The following FHIT variants were observed in gnomAD, a reference collection of about 807,000 sequenced individuals.
FHIT encodes fragile histidine triad diadenosine triphosphatase, also known as bis(5'-adenosyl)-triphosphatase.
A neutral mutation model predicts 17.9 loss-of-function variants in FHIT; 19 were observed. That is an observed-to-expected ratio of 1.06 (90% CI 0.74 to 1.56). The LOEUF (loss-of-function observed/expected upper bound fraction) is 1.56, where lower values mean the gene tolerates loss of function less well. Among genes scored for constraint, FHIT ranks in the 40% most tolerant of loss-of-function variants. FHIT has a pLI of 0.00. For synonymous variants in FHIT, 81 were observed against 69.7 expected (o/e 1.16, Z -0.81); for missense variants, 248 against 189.2 (o/e 1.31, Z -1.82).
At chr3:61,201,437 G>C (rs1299972902) in intron 1 of FHIT, among the ~76,000 whole-genome samples, 4 of 152,160 alleles carry the variant, frequency 2.6e-5, no homozygotes, top group Non-Finnish European at 5.9e-5. Context: ...CACCAGTAAT[G>C]GGAATATGAT....
intron 2 of FHIT, among the ~76,000 whole-genome samples, chr3:61,083,750 G>GT (rs1169880384): frequency 3.4e-4 from 52 of 152,062 alleles, no homozygotes; most frequent in African/African-American, 3.6e-4. Context: ...TATGATATGT[G>GT]TTTTTTTTAT....
intron 5 of FHIT, among the ~76,000 whole-genome samples, chr3:60,367,251 C>T (rs1160748279): frequency 5.9e-5 from 9 of 152,190 alleles, no homozygotes; most frequent in African/African-American, 2.2e-4. Flanking sequence ...GACATTCAAA[C>T]CCAAATGAAT....
At chr3:60,136,277 G>A (rs1699814971) in intron 5 of FHIT, among the ~76,000 whole-genome samples, 1 of 152,130 alleles carries the variant, frequency 6.6e-6, no homozygotes, top group South Asian at 2.1e-4. Flanking sequence ...GCCATTCCTT[G>A]TGTTTCCTGA....
chr3:60,072,884 G>C lies in FHIT; in HGVS notation c.104-58732C>G, dbSNP rs144336403. ...AGCTACAGCATTCACTGTTTGAAGG[G>C]AGAGATTCAACCATCTCCTTCTCTG... On this transcript the variant is annotated intron_variant, in intron 5 of 9. Transcript: ENST00000492590. Among the ~76,000 whole-genome samples the C allele has an allele frequency of 3.4e-3, 524 of 152,228 alleles. 2 individuals carry two copies. Among genetic ancestry groups the C allele is most frequent in the African/African-American group, 0.012 (495 of 41,530 alleles).
chr3:61,190,994 A>T (rs2038697267), intron 2 of FHIT, among the ~76,000 whole-genome samples: 1 of 151,834 alleles, frequency 6.6e-6, no homozygotes, highest in Non-Finnish European at 1.5e-5. Context: ...TGACGAGTTA[A>T]TGGGGGCAGC....
chr3:60,687,149 G>A lies in FHIT; in HGVS notation c.-18+134770C>T, dbSNP rs79012734. Among the ~76,000 whole-genome samples, 902 of 152,220 alleles carry A rather than the reference G, an allele frequency of 5.9e-3. 10 individuals are homozygous for A. The highest frequency in any genetic ancestry group is 0.02 in the African/African-American group (823 of 41,542). On this transcript the variant is annotated intron_variant, in intron 4 of 9. Transcript: ENST00000492590. ...CAGTAAATATCTTGTATTATGCTGC[G>A]TAAGCTCCTCCTATTTCTAGCTCAT...
At chr3:60,236,788 T>A (rs76935376) in intron 5 of FHIT, among the ~76,000 whole-genome samples, 9 of 152,132 alleles carry the variant, frequency 5.9e-5, no homozygotes, top group Non-Finnish European at 1.2e-4. Context: ...AAAAACTCCC[T>A]TATCACTCCT....
intron 5 of FHIT, among the ~76,000 whole-genome samples, chr3:60,387,472 T>A (rs1254389778): frequency 2.6e-5 from 4 of 152,136 alleles, no homozygotes; most frequent in East Asian, 3.8e-4. Context: ...GTGGTTGCGG[T>A]CTAAGTGGAC....
intron 8 of FHIT, among the ~76,000 whole-genome samples, chr3:59,765,598 G>T (rs552929391): frequency 6.6e-6 from 1 of 152,288 alleles, no homozygotes; most frequent in South Asian, 2.1e-4. Flanking sequence ...ACCATTCTGT[G>T]GGCTAAAGAG....
chr3:60,225,853 A>T (rs1319760511), intron 5 of FHIT, among the ~76,000 whole-genome samples: 1 of 152,102 alleles, frequency 6.6e-6, no homozygotes, highest in East Asian at 1.9e-4. Context: ...CCACTTTTGC[A>T]CTTCCCTCAG....
chr3:60,377,761 G>A (rs373290281), intron 5 of FHIT, among the ~76,000 whole-genome samples: 31 of 151,718 alleles, frequency 2.0e-4, no homozygotes, highest in East Asian at 7.9e-4. Flanking sequence ...GATTACAGGC[G>A]TGAGCCACCG....
chr3:60,614,477 G>C (rs531962999), intron 4 of FHIT, among the ~76,000 whole-genome samples: 1 of 152,092 alleles, frequency 6.6e-6, no homozygotes, highest in Non-Finnish European at 1.5e-5. Flanking sequence ...GGTGGCAGAT[G>C]CCTCTAATCC....
At chr3:60,014,241 G>A in intron 5 of FHIT, 89 bp from the exon 6 acceptor site, 1 of 1,316,990 alleles carries the variant, frequency 7.6e-7, no homozygotes, top group Non-Finnish European at 1.1e-6. Flanking sequence ...AATCCTCTCG[G>A]ACCAGGGCCT....
intron 3 of FHIT, among the ~76,000 whole-genome samples, chr3:61,003,414 C>A (rs999390204): frequency 3.9e-5 from 6 of 152,178 alleles, no homozygotes; most frequent in African/African-American, 1.2e-4. Context: ...CACTACCAAG[C>A]TTTTATCCTA....
At chr3:60,478,247 G>T (rs909969972) in intron 5 of FHIT, among the ~76,000 whole-genome samples, 3 of 152,118 alleles carry the variant, frequency 2.0e-5, no homozygotes, top group African/African-American at 7.2e-5. Context: ...ACCAAAATTG[G>T]GAACCAGGAA....
intron 4 of FHIT, among the ~76,000 whole-genome samples, chr3:60,550,191 C>G (rs918683850): frequency 6.6e-6 from 1 of 152,182 alleles, no homozygotes; most frequent in Non-Finnish European, 1.5e-5. Flanking sequence ...CGCTCTGAAA[C>G]ATACTTTATT....
At position 60,665,938 on chromosome 3, in the gene FHIT, T is replaced by A. The variant is rs150328769; in HGVS notation, c.-17-128959A>T. ...TACAGTGTTTTGGGAAGTACTTCTT[T>A]GTATAGTTTTCACTGTGGTTTCCCT... On this transcript the variant is annotated intron_variant, in intron 4 of 9. Transcript: ENST00000492590. Among the ~76,000 whole-genome samples, 1,093 of 152,242 alleles carry A rather than the reference T, an allele frequency of 7.2e-3. 12 individuals carry two copies. Among genetic ancestry groups the A allele is most frequent in the Middle Eastern group, 0.017 (5 of 292 alleles).
At chr3:59,929,839 G>C (rs1385739954) in intron 7 of FHIT, among the ~76,000 whole-genome samples, 1 of 148,948 alleles carries the variant, frequency 6.7e-6, no homozygotes, top group Non-Finnish European at 1.5e-5. Flanking sequence ...TTCATGTAGA[G>C]TGATACAAAT....
At chr3:60,845,326 A>G (rs184112596) in intron 3 of FHIT, among the ~76,000 whole-genome samples, 2 of 152,182 alleles carry the variant, frequency 1.3e-5, no homozygotes, top group East Asian at 3.9e-4. Context: ...ACTAAAAACA[A>G]ACAAACAAAC....
Sources: gnomAD v4.1 joint callset for allele counts (sites outside exome capture counted in the v4.1 genomes callset) on GRCh38, gnomAD v4.1.1 for gene constraint, MANE v1.5 for transcripts, NCBI Gene and HGNC (gene_info 2026-07-23, HGNC 2026-07-21) for gene names.